Variants in TENM1 observed in about 807,000 individuals in gnomAD.
The protein encoded by TENM1 is teneurin-1.
A neutral mutation model predicts 174.8 loss-of-function variants in TENM1; 35 were observed. That is an observed-to-expected ratio of 0.20 (90% confidence interval 0.15 to 0.27). TENM1 has a LOEUF of 0.27. Among genes scored for constraint, TENM1 ranks in the 10% least tolerant of loss-of-function variants. The pLI is 1.00. For synonymous variants in TENM1, 781 were observed against 798.7 expected (o/e 0.98, Z 0.37); for missense variants, 1,633 against 2,130.1 (o/e 0.77, Z 4.59).
At chrX:124,764,697 T>A (rs1468375536) in intron 3 of TENM1, among the ~76,000 whole-genome samples, 1 of 107,781 alleles carries the variant, frequency 9.3e-6, no homozygotes, top group African/African-American at 3.4e-5. Flanking sequence ...TTTTTTTTTT[T>A]ACATTGGAAA....
intron 3 of TENM1, among the ~76,000 whole-genome samples, chrX:124,786,406 GA>G (rs747967786): frequency 1.8e-5 from 2 of 111,610 alleles, no homozygotes; most frequent in Non-Finnish European, 3.8e-5. Flanking sequence ...ACAAAACAAA[GA>G]GTCTCCCTTT....
chrX:125,173,890 G>A, the TENM1 span, among the ~76,000 whole-genome samples: 2 of 111,620 alleles, frequency 1.8e-5, no homozygotes, highest in Non-Finnish European at 3.8e-5. Flanking sequence ...TTTAGAGGGC[G>A]AATAATGAGT....
At chrX:124,925,363 G>A (rs1040512238) in intron 1 of TENM1, among the ~76,000 whole-genome samples, 1 of 110,896 alleles carries the variant, frequency 9.0e-6, no homozygotes, top group Admixed American at 9.6e-5. Context: ...ACTAAAACAT[G>A]GACTTCTAAA....
intron 1 of TENM1, among the ~76,000 whole-genome samples, chrX:124,923,625 C>T (rs1436398509): frequency 1.8e-5 from 2 of 111,728 alleles, no homozygotes; most frequent in African/African-American, 6.5e-5. Flanking sequence ...GTTAATAATC[C>T]GTTGACATTA....
chrX:124,701,174 G>A (rs2052766790), intron 5 of TENM1, among the ~76,000 whole-genome samples: 1 of 111,494 alleles, frequency 9.0e-6, no homozygotes. Flanking sequence ...ATCCCCTGAA[G>A]GTGGTATGGA....
chrX:124,997,696 A>G, the TENM1 span, among the ~76,000 whole-genome samples: 2 of 111,139 alleles, frequency 1.8e-5, no homozygotes, highest in Non-Finnish European at 3.8e-5. Context: ...CTCAAATGCC[A>G]AAGTCTCTCA....
At chrX:125,081,855 C>A in the TENM1 span, among the ~76,000 whole-genome samples, 3 of 110,845 alleles carry the variant, frequency 2.7e-5, no homozygotes, top group African/African-American at 9.8e-5. Flanking sequence ...ATGGATGGAA[C>A]CGGACAGGTC....
At chrX:124,817,085 G>C (rs1484325393) in intron 3 of TENM1, among the ~76,000 whole-genome samples, 1 of 109,915 alleles carries the variant, frequency 9.1e-6, no homozygotes, top group Non-Finnish European at 1.9e-5. Context: ...TCCCCTCCCT[G>C]TGTCCATGTG....
chrX:124,406,289 A>G, intron 26 of TENM1, 28 bp downstream of exon 29: 1 of 1,162,917 alleles, frequency 8.6e-7, no homozygotes, highest in Non-Finnish European at 1.2e-6. Context: ...GGGCTGTTAC[A>G]GTCAGATATC....
intron 11 of TENM1, among the ~76,000 whole-genome samples, chrX:124,602,635 T>C (rs17330909): frequency 0.082 from 8,989 of 109,665 alleles, 477 homozygotes; most frequent in East Asian, 0.46. Context: ...AAGAGCCACA[T>C]AGGGAAACGC....
chrX:124,997,069 A>G, the TENM1 span, among the ~76,000 whole-genome samples: 2 of 111,651 alleles, frequency 1.8e-5, no homozygotes, highest in South Asian at 7.5e-4. Flanking sequence ...TAACTGATTT[A>G]TTAGGCTACT....
the TENM1 span, among the ~76,000 whole-genome samples, chrX:125,103,416 G>C: frequency 1.8e-5 from 2 of 111,126 alleles, no homozygotes; most frequent in Non-Finnish European, 3.8e-5. Context: ...TAATAATCAG[G>C]TGCCTTGGTC....
chrX:124,485,846 C>G (rs960117688), intron 21 of TENM1, among the ~76,000 whole-genome samples: 1 of 111,759 alleles, frequency 8.9e-6, no homozygotes, highest in Admixed American at 9.5e-5. Flanking sequence ...TCAGAATACT[C>G]TTGCTCTGAA....
chrX:124,567,368 T>C (rs2048964776), intron 11 of TENM1, among the ~76,000 whole-genome samples: 1 of 111,733 alleles, frequency 8.9e-6, no homozygotes, highest in African/African-American at 3.3e-5. Context: ...GGGATGGAGA[T>C]GGCAGTGAGT....
At chrX:124,911,816 G>T (rs1439213415) in intron 1 of TENM1, among the ~76,000 whole-genome samples, 4 of 111,426 alleles carry the variant, frequency 3.6e-5, no homozygotes, top group Non-Finnish European at 7.5e-5. Flanking sequence ...GTGTGCTAGG[G>T]CTCCAGAATC....
the TENM1 span, among the ~76,000 whole-genome samples, chrX:124,969,196 T>C: frequency 8.9e-6 from 1 of 112,526 alleles, no homozygotes; most frequent in Non-Finnish European, 1.9e-5. Context: ...ACAAAGCAAA[T>C]GTGTATGGAA....
chrX:125,068,518 T>C, the TENM1 span, among the ~76,000 whole-genome samples: 1 of 112,069 alleles, frequency 8.9e-6, no homozygotes, highest in African/African-American at 3.2e-5. Context: ...TTTTCAAATA[T>C]GTTAAATCTG....
intron 3 of TENM1, among the ~76,000 whole-genome samples, chrX:124,878,055 T>C (rs1302096417): frequency 9.0e-6 from 1 of 111,422 alleles, no homozygotes; most frequent in Non-Finnish European, 1.9e-5. Context: ...TCTTGCTGTC[T>C]CAGGGATGGC....
chrX:125,070,232 G>A, the TENM1 span, among the ~76,000 whole-genome samples: 1 of 110,372 alleles, frequency 9.1e-6, no homozygotes, highest in Admixed American at 9.7e-5. Context: ...TCTGACTAGT[G>A]TTAGATGGTA....
Sources: gnomAD v4.1 joint callset for allele counts (sites outside exome capture counted in the v4.1 genomes callset) on GRCh38, gnomAD v4.1.1 for gene constraint, MANE v1.5 for transcripts, NCBI Gene and HGNC (gene_info 2026-07-23, HGNC 2026-07-21) for gene names.